Variants in CFAP20DC observed in about 807,000 individuals in gnomAD.
The protein encoded by CFAP20DC is protein CFAP20DC.
A neutral mutation model predicts 101.7 loss-of-function variants in CFAP20DC; 84 were observed. The ratio of observed to expected loss-of-function variants is 0.83; its 90% confidence interval spans 0.69 to 0.99. The LOEUF (loss-of-function observed/expected upper bound fraction) is 0.99, where lower values mean the gene tolerates loss of function less well. Among genes scored for constraint, CFAP20DC ranks in the 50% least tolerant of loss-of-function variants. The pLI, the probability that CFAP20DC is intolerant of heterozygous loss-of-function variation, is 0.00. For synonymous variants in CFAP20DC, 359 were observed against 351.2 expected (o/e 1.02, Z -0.25); for missense variants, 1,007 against 970.3 (o/e 1.04, Z -0.50).
intron 15 of CFAP20DC, among the ~76,000 whole-genome samples, chr3:58,755,493 C>A (rs138952279): frequency 6.6e-6 from 1 of 152,280 alleles, no homozygotes; most frequent in Non-Finnish European, 1.5e-5. Flanking sequence ...GTAATCACAT[C>A]ATGACACCCC....
intron 5 of CFAP20DC, among the ~76,000 whole-genome samples, chr3:58,935,780 G>T (rs2087487169): frequency 6.6e-6 from 1 of 152,138 alleles, no homozygotes; most frequent in Admixed American, 6.5e-5. Context: ...ATTCAAGGTG[G>T]ATTAAAGACT....
chr3:58,973,848 C>G (rs1473191921), intron 4 of CFAP20DC, among the ~76,000 whole-genome samples: 1 of 152,058 alleles, frequency 6.6e-6, no homozygotes, highest in Non-Finnish European at 1.5e-5. Context: ...GCAATTGGAT[C>G]CTTATAGAAA....
intron 15 of CFAP20DC, among the ~76,000 whole-genome samples, chr3:58,805,176 G>C (rs899878672): frequency 5.3e-5 from 8 of 152,226 alleles, no homozygotes; most frequent in African/African-American, 1.4e-4. Flanking sequence ...TTCAGACGTA[G>C]TCTGTTAGCC....
intron 15 of CFAP20DC, among the ~76,000 whole-genome samples, chr3:58,780,482 T>C (rs750027000): frequency 1.3e-5 from 2 of 151,976 alleles, no homozygotes; most frequent in Non-Finnish European, 2.9e-5. Flanking sequence ...TGTTTCCATT[T>C]AAAAGGTATA....
intron 12 of CFAP20DC, among the ~76,000 whole-genome samples, chr3:58,851,145 C>G (rs1457171244): frequency 6.6e-6 from 1 of 152,134 alleles, no homozygotes; most frequent in Admixed American, 6.6e-5. Context: ...ATAATCCCTG[C>G]CATCCAGGGA....
intron 15 of CFAP20DC, among the ~76,000 whole-genome samples, chr3:58,802,884 G>C (rs765792030): frequency 6.6e-6 from 1 of 151,860 alleles, no homozygotes; most frequent in Non-Finnish European, 1.5e-5. Flanking sequence ...AGATAGTTAT[G>C]TTGCAGAAAT....
chr3:58,948,379 T>G (rs948594484), intron 4 of CFAP20DC, among the ~76,000 whole-genome samples: 19 of 152,230 alleles, frequency 1.2e-4, no homozygotes, highest in African/African-American at 3.9e-4. Flanking sequence ...TAATCACATT[T>G]TTTATTGACT....
intron 4 of CFAP20DC, among the ~76,000 whole-genome samples, chr3:58,966,831 T>C (rs751996847): frequency 5.9e-5 from 9 of 152,050 alleles, no homozygotes; most frequent in African/African-American, 9.7e-5. Flanking sequence ...GGCTGAAAAA[T>C]ATATTTTTTA....
intron 4 of CFAP20DC, among the ~76,000 whole-genome samples, chr3:59,010,433 C>G (rs1208039624): frequency 6.6e-6 from 1 of 151,912 alleles, no homozygotes; most frequent in African/African-American, 2.4e-5. Context: ...AAAACAGACT[C>G]TAAAGCAACA....
chr3:58,762,447 G>A (rs1218573532), intron 15 of CFAP20DC, among the ~76,000 whole-genome samples: 2 of 152,150 alleles, frequency 1.3e-5, no homozygotes, highest in Admixed American at 1.3e-4. Context: ...ACATGAGATG[G>A]GTTTCCTGAA....
intron 6 of CFAP20DC, among the ~76,000 whole-genome samples, chr3:58,908,436 T>A (rs1021321504): frequency 6.6e-6 from 1 of 152,190 alleles, no homozygotes; most frequent in Non-Finnish European, 1.5e-5. Context: ...ATTACTAAGA[T>A]CATACTAAAA....
At chr3:58,936,682 C>T (rs1341033136) in intron 5 of CFAP20DC, among the ~76,000 whole-genome samples, 1 of 152,084 alleles carries the variant, frequency 6.6e-6, no homozygotes, top group Admixed American at 6.5e-5. Context: ...GGACGGAAAA[C>T]CAAACACCGC....
intron 7 of CFAP20DC, among the ~76,000 whole-genome samples, chr3:58,881,267 GC>G (rs1422763201): frequency 6.6e-6 from 1 of 152,106 alleles, no homozygotes; most frequent in African/African-American, 2.4e-5. Flanking sequence ...TGGGAAAACT[GC>G]CTTGTAATTT....
chr3:58,967,857 C>T (rs550004868), intron 4 of CFAP20DC, among the ~76,000 whole-genome samples: 4 of 152,280 alleles, frequency 2.6e-5, no homozygotes, highest in South Asian at 4.1e-4. Flanking sequence ...CCTCTCCCTC[C>T]TCCCACCCTC....
rs368320487 is a variant in CFAP20DC at position 58,763,093 on chromosome 3, A to C, written c.2238-9230T>G. ...AATCTGAATGTTGGCCTGCCTTGCT[A>C]GATTGGGGAAGTTCTCCTGGATAAT... On this transcript the variant is annotated intron_variant, in intron 15 of 16. Coordinates refer to ENST00000482387, the MANE Select transcript of CFAP20DC (RefSeq NM_001394063.1). Among the ~76,000 whole-genome samples the C allele has an allele frequency of 1.4e-3, 211 of 152,280 alleles. 6 individuals are homozygous for C. The East Asian group carries it at 0.034, about 25-fold the overall frequency.
At chr3:58,924,822 G>A (rs1174916096) in intron 5 of CFAP20DC, among the ~76,000 whole-genome samples, 1 of 151,896 alleles carries the variant, frequency 6.6e-6, no homozygotes, top group Non-Finnish European at 1.5e-5. Context: ...TTTCTTTGAC[G>A]ATTATTGATG....
chr3:58,791,019 C>G (rs1480524916), intron 15 of CFAP20DC, among the ~76,000 whole-genome samples: 1 of 152,070 alleles, frequency 6.6e-6, no homozygotes, highest in Admixed American at 6.6e-5. Flanking sequence ...TACATCAGCT[C>G]AGTATAAGGA....
At chr3:59,024,374 A>G (rs540671808) in intron 4 of CFAP20DC, among the ~76,000 whole-genome samples, 4 of 152,270 alleles carry the variant, frequency 2.6e-5, no homozygotes, top group African/African-American at 9.6e-5. Flanking sequence ...GGAAAGTTCA[A>G]CAGTAGCCTC....
chr3:58,852,067 C>A (rs987421676), intron 12 of CFAP20DC, among the ~76,000 whole-genome samples: 3 of 152,232 alleles, frequency 2.0e-5, no homozygotes, highest in South Asian at 2.1e-4. Flanking sequence ...ATTGCCATGA[C>A]CTTTGCTGCT....
Sources: gnomAD v4.1 joint callset for allele counts (sites outside exome capture counted in the v4.1 genomes callset) on GRCh38, gnomAD v4.1.1 for gene constraint, MANE v1.5 for transcripts, NCBI Gene and HGNC (gene_info 2026-07-23, HGNC 2026-07-21) for gene names.